Variants in PCDHA6 observed in about 807,000 individuals in gnomAD.
The protein encoded by PCDHA6 is protocadherin alpha-6.
Under a neutral mutation model 60.3 loss-of-function variants are expected in PCDHA6, and 55 were observed. The observed-to-expected ratio is 0.91, with a 90% CI of 0.73 to 1.14. The LOEUF (loss-of-function observed/expected upper bound fraction) is 1.14, where lower values mean the gene tolerates loss of function less well. PCDHA6 is among the 50% of genes most tolerant of loss of function. The pLI is 0.00. For missense variants in PCDHA6, 1,327 were observed against 1,256.5 expected (o/e 1.06, Z -0.85); for synonymous variants, 652 against 557.9 (o/e 1.17, Z -2.38).
In PCDHA6 at chr5:140,941,764, A is replaced by G. The variant is rs116374830; in HGVS notation, c.2395-37185A>G. 5.7e-3 allele frequency among the ~76,000 whole-genome samples: 869 copies of G among 152,306 alleles called. 7 individuals are homozygous for G. Among genetic ancestry groups the G allele is most frequent in the African/African-American group, 0.018 (768 of 41,560 alleles). ...TTATCAGATTTTCAGTGCTTTTAAG[A>G]TAATTGTTTTAATGTTTTACCCAAG... On this transcript the variant is annotated intron_variant, in intron 1 of 3. Coordinates refer to ENST00000529310, the MANE Select transcript of PCDHA6 (RefSeq NM_018909.4).
rs2150162121 is a variant in PCDHA6, at chr5:140,829,048, C to T, written c.957C>T (p.Leu319=). 6.2e-7 allele frequency: 1 copy of T among 1,612,862 alleles called. No homozygotes were observed. Among genetic ancestry groups the T allele is most frequent in the Non-Finnish European group, 8.5e-7 (1 of 1,178,886 alleles). ...AACAAGAAAACTTATACAAAATCCT[C>T]ATTGACGCCACGGACAAAGGCCATC... ...DFEQENLYKI[L]IDATDKGHPP... The change falls in exon 1 of 4, where the codon CTC becomes CTT. Residue 319 remains leucine (L), a synonymous_variant. Transcript: ENST00000529310.
intron 1 of PCDHA6, chr5:140,853,775 G>GT: frequency 1.0e-6 from 1 of 987,698 alleles, no homozygotes; most frequent in East Asian, 1.1e-4. Context: ...TCTGAAATGG[G>GT]TAGTAAGAGC....
At chr5:140,923,752 G>A (rs1004241488) in intron 1 of PCDHA6, among the ~76,000 whole-genome samples, 1 of 152,186 alleles carries the variant, frequency 6.6e-6, no homozygotes, top group Non-Finnish European at 1.5e-5. Context: ...GAGGCATATG[G>A]TGGGACAAAT....
intron 3 of PCDHA6, among the ~76,000 whole-genome samples, chr5:140,997,109 G>A (rs1293025484): frequency 1.3e-5 from 2 of 152,022 alleles, no homozygotes; most frequent in Non-Finnish European, 2.9e-5. Flanking sequence ...ATGCACTCCT[G>A]CTCTCCCACA....
chr5:140,831,489 T>TGGG (rs2150194957), intron 1 of PCDHA6, among the ~76,000 whole-genome samples: 86,355 of 148,546 alleles, frequency 0.58, 25,923 homozygotes, highest in African/African-American at 0.72. Flanking sequence ...CCTCTGGAGT[T>TGGG]ACTACACACG....
intron 1 of PCDHA6, among the ~76,000 whole-genome samples, chr5:140,962,961 T>C (rs1483172996): frequency 1.3e-5 from 2 of 152,148 alleles, no homozygotes; most frequent in African/African-American, 4.8e-5. Flanking sequence ...TCTATCCCTA[T>C]ATAGGAAATT....
intron 3 of PCDHA6, among the ~76,000 whole-genome samples, chr5:141,008,171 G>A (rs1441350888): frequency 6.6e-6 from 1 of 152,148 alleles, no homozygotes; most frequent in African/African-American, 2.4e-5. Flanking sequence ...GGACTAAAAT[G>A]TGACCATTGA....
At chr5:140,848,694 G>A (rs2150417748) in intron 1 of PCDHA6, 1 of 1,592,460 alleles carries the variant, frequency 6.3e-7, no homozygotes, top group Admixed American at 1.7e-5. Context: ...GTTCCAGTTG[G>A]ATTCCAAAGG....
chr5:140,971,568 G>C (rs2096486593), intron 1 of PCDHA6, among the ~76,000 whole-genome samples: 1 of 152,074 alleles, frequency 6.6e-6, no homozygotes, highest in African/African-American at 2.4e-5. Flanking sequence ...CCCATGTTGG[G>C]CTTTCTTTTT....
chr5:140,911,974 A>C (rs1471523711), intron 1 of PCDHA6, among the ~76,000 whole-genome samples: 3 of 152,212 alleles, frequency 2.0e-5, no homozygotes, highest in African/African-American at 4.8e-5. Flanking sequence ...GTATTAACTC[A>C]CATGATCACA....
intron 1 of PCDHA6, among the ~76,000 whole-genome samples, chr5:140,956,900 A>C (rs1004581720): frequency 6.6e-6 from 1 of 152,240 alleles, no homozygotes; most frequent in East Asian, 1.9e-4. Context: ...GAATATTCTT[A>C]AATGTATAAA....
intron 1 of PCDHA6, among the ~76,000 whole-genome samples, chr5:140,973,624 A>G (rs2096595807): frequency 6.6e-6 from 1 of 152,204 alleles, no homozygotes; most frequent in African/African-American, 2.4e-5. Flanking sequence ...CTGTTTCTGT[A>G]TCTTGTACAC....
chr5:140,999,215 C>A (rs1290752092), intron 3 of PCDHA6, among the ~76,000 whole-genome samples: 1 of 152,140 alleles, frequency 6.6e-6, no homozygotes, highest in East Asian at 1.9e-4. Context: ...TCTGGAAGTA[C>A]TACATTTGAG....
At chr5:140,895,843 C>G (rs574376494) in intron 1 of PCDHA6, among the ~76,000 whole-genome samples, 1 of 152,232 alleles carries the variant, frequency 6.6e-6, no homozygotes, top group East Asian at 1.9e-4. Context: ...CAAAGTCTCA[C>G]TCTTGTACCC....
intron 1 of PCDHA6, among the ~76,000 whole-genome samples, chr5:140,975,053 A>G (rs2096651589): frequency 1.3e-5 from 2 of 152,144 alleles, no homozygotes; most frequent in Admixed American, 6.5e-5. Flanking sequence ...GGAAGAATCT[A>G]CTATCGAGCT....
In PCDHA6 at chr5:140,966,763, G is replaced by A. The variant is rs1020607410; in HGVS notation, c.2395-12186G>A. 2.7e-6 allele frequency: 4 copies of A among 1,470,486 alleles called. No homozygotes were observed. The South Asian group carries it at 5.5e-5, about 20-fold the overall frequency. 91.1% of individuals were successfully genotyped at this position (1,470,486 alleles called of 1,614,324 possible). A position where few individuals can be genotyped will look rare whatever the true frequency, so the allele number is the denominator to read the frequency against. Reference sequence around the variant, plus strand: ...CCCGGCTGCCTCCGCCGCGGCCAGTGGCTATGGAGCAGGCGGGCACCAGAC... The same window carrying A: ...CCCGGCTGCCTCCGCCGCGGCCAGTAGCTATGGAGCAGGCGGGCACCAGAC... On this transcript the variant is annotated intron_variant, in intron 1 of 3. Transcript: ENST00000529310.
At chr5:140,883,978 T>G in intron 1 of PCDHA6, 1 of 1,612,780 alleles carries the variant, frequency 6.2e-7, no homozygotes, top group Non-Finnish European at 8.5e-7. Flanking sequence ...CGCCCGGGGC[T>G]GGCAGCGCGG....
At chr5:140,897,785 A>G (rs1246213890) in intron 1 of PCDHA6, among the ~76,000 whole-genome samples, 1 of 152,148 alleles carries the variant, frequency 6.6e-6, no homozygotes, top group Non-Finnish European at 1.5e-5. Context: ...CAATGGTTGA[A>G]CTAGTTTAGA....
intron 1 of PCDHA6, chr5:140,967,572 A>T (rs782502082): frequency 4.3e-6 from 7 of 1,613,544 alleles, no homozygotes; most frequent in Middle Eastern, 3.3e-4. Flanking sequence ...CTACGGGAGG[A>T]CTCACCCCCA....
Sources: allele counts gnomAD v4.1 joint callset (sites outside exome capture counted in the v4.1 genomes callset), GRCh38; gene constraint gnomAD v4.1.1; transcripts MANE v1.5; gene names NCBI Gene and HGNC (gene_info 2026-07-23, HGNC 2026-07-21).